The following DENND2B variants were observed in gnomAD, a reference collection of about 807,000 sequenced individuals.
DENND2B encodes DENN domain containing 2B, also known as DENN domain-containing protein 2B.
Under a neutral mutation model 116.0 loss-of-function variants are expected in DENND2B, and 32 were observed. The ratio of observed to expected loss-of-function variants is 0.28; its 90% CI spans 0.21 to 0.37. The LOEUF is 0.37. DENND2B is among the 10% of genes least tolerant of loss of function. The pLI is 1.00. For missense variants in DENND2B, 1,276 were observed against 1,477.7 expected (o/e 0.86, Z 2.24); for synonymous variants, 588 against 583.9 (o/e 1.01, Z -0.10).
chr11:8,738,462 G>T (rs1332831611), intron 2 of DENND2B, among the ~76,000 whole-genome samples: 1 of 152,128 alleles, frequency 6.6e-6, no homozygotes, highest in Non-Finnish European at 1.5e-5. Flanking sequence ...TTCCAGAGGG[G>T]GGAGAAAAGG....
chr11:8,698,789 C>T, intron 16 of DENND2B, 144 bp downstream of exon 16: 2 of 962,946 alleles, frequency 2.1e-6, no homozygotes, highest in Non-Finnish European at 3.3e-6. Context: ...ATTCCAAGAC[C>T]AGCTTCTCCC....
At chr11:8,783,046 C>CT (rs35035048) in intron 1 of DENND2B, among the ~76,000 whole-genome samples, 32,891 of 118,890 alleles carry the variant, frequency 0.28, 4,964 homozygotes, top group Admixed American at 0.3. Context: ...CACCACTTAC[C>CT]TTTTTTTTTT....
chr11:8,751,585 C>T (rs1446111246), intron 1 of DENND2B, among the ~76,000 whole-genome samples: 1 of 143,540 alleles, frequency 7.0e-6, no homozygotes, highest in Non-Finnish European at 1.5e-5. Flanking sequence ...AAGGAAAAAA[C>T]TCCGAACACA....
At chr11:8,771,536 A>AGG (rs2056866157) in intron 1 of DENND2B, 2 of 61,548 alleles carry the variant, frequency 3.2e-5, no homozygotes, top group Non-Finnish European at 5.1e-5. Flanking sequence ...ATACAGAGAG[A>AGG]GAGAGAGAGA....
At chr11:8,879,150 A>T (rs1232704866) in intron 2 of DENND2B, among the ~76,000 whole-genome samples, 1 of 152,228 alleles carries the variant, frequency 6.6e-6, no homozygotes, top group Non-Finnish European at 1.5e-5. Flanking sequence ...GGGCCATGTG[A>T]CTGTCCAACC....
chr11:8,715,577 C>T (rs749296322), intron 6 of DENND2B, 26 bp downstream of exon 6: 7 of 1,608,784 alleles, frequency 4.4e-6, no homozygotes, highest in Middle Eastern at 1.6e-4. Context: ...TGCCCGGCTC[C>T]AGTGGGCTGC....
At chr11:8,742,833 G>C (rs530317866) in intron 2 of DENND2B, among the ~76,000 whole-genome samples, 16 of 152,232 alleles carry the variant, frequency 1.1e-4, no homozygotes, top group Admixed American at 4.6e-4. Flanking sequence ...GGGAGGCTGA[G>C]ATGGGCGGAT....
chr11:8,695,401 C>G (rs1192019127), intron 19 of DENND2B, 62 bp downstream of exon 19: 1 of 1,494,728 alleles, frequency 6.7e-7, no homozygotes, highest in East Asian at 2.3e-5. Flanking sequence ...TTCGGGAACA[C>G]AAATCTCCCA....
At chr11:8,879,478 T>C (rs2063879334) in intron 2 of DENND2B, among the ~76,000 whole-genome samples, 1 of 152,222 alleles carries the variant, frequency 6.6e-6, no homozygotes, top group African/African-American at 2.4e-5. Context: ...TATGAAGGAA[T>C]TTGAATTTGA....
chr11:8,722,339 A>G lies in DENND2B; in HGVS notation c.1477+3734T>C, dbSNP rs564644823. Among the ~76,000 whole-genome samples the G allele has an allele frequency of 3.9e-5, 6 of 152,282 alleles. No homozygotes were observed. The Middle Eastern group carries it at 0.01, about 259-fold the overall frequency. On this transcript the variant is annotated intron_variant, in intron 4 of 19. Coordinates refer to ENST00000313726, the MANE Select transcript of DENND2B (RefSeq NM_213618.2). ...GACTCCAGTCCAATCACCAGGACCCAAGATGGAGATGAGCACTAGGCTCTC... is the reference window on the plus strand; with the variant it reads ...GACTCCAGTCCAATCACCAGGACCCGAGATGGAGATGAGCACTAGGCTCTC...
intron 2 of DENND2B, among the ~76,000 whole-genome samples, chr11:8,879,680 A>C (rs117168146): frequency 0.016 from 2,477 of 152,298 alleles, 32 homozygotes; most frequent in Middle Eastern, 0.031. Context: ...CTGGAGAAAA[A>C]AAAATCACCC....
rs1305580965 is a variant in DENND2B at position 8,702,471 on chromosome 11, A to G, written c.2720+101T>C. The G allele has an allele frequency of 6.5e-7, 1 of 1,534,192 alleles. No homozygotes were observed. Among genetic ancestry groups the G allele is most frequent in the Non-Finnish European group, 8.8e-7 (1 of 1,135,074 alleles). ...TCCCTACGCACAGCCCCACTCCAGC[A>G]CTGGTCTCCGGCGCCTGCTTAGGCT... On this transcript the variant is annotated intron_variant, in intron 14 of 19. Transcript: ENST00000313726. The surrounding 1 kb of genome is among the most constrained non-coding windows in gnomAD (Gnocchi z 4.6).
Position 8,695,495 on chromosome 11 carries a change from T to C in DENND2B, c.3347A>G (p.Gln1116Arg). The change falls in exon 19 of 20, where the codon CAG (glutamine) becomes CGG (arginine). Residue 1116 changes from glutamine (Q) to arginine (R), a missense_variant. Around this residue, in one of 2 missense-constraint regions of DENND2B, gnomAD observed 420 missense variants for 631.1 expected, o/e 0.67. Transcript: ENST00000313726. ...QYLEELPDTE[Q>R]SGMNKFLRGL... ...TCGGAGAAACTTATTCATTCCACTC[T>C]GCTCAGTGTCTGGGAGTTCTTCTAA... The C allele has an allele frequency of 6.2e-7, 1 of 1,614,016 alleles. No homozygotes were observed. The highest frequency in any genetic ancestry group is 8.5e-7 in the Non-Finnish European group (1 of 1,180,034).
At chr11:8,817,028 G>T (rs957666780) in intron 4 of DENND2B, among the ~76,000 whole-genome samples, 2 of 152,128 alleles carry the variant, frequency 1.3e-5, no homozygotes, top group African/African-American at 4.8e-5. Context: ...AAAAAAAATG[G>T]AAGACTCAGG....
chr11:8,758,448 G>T (rs1471354262), intron 1 of DENND2B, among the ~76,000 whole-genome samples: 6 of 152,036 alleles, frequency 3.9e-5, no homozygotes, highest in African/African-American at 1.4e-4. Context: ...TACTCTTCCT[G>T]CCACCCACCC....
rs898240951 is a variant in DENND2B, at chr11:8,818,221, C to T, written c.-114-6886G>A. On this transcript the variant is annotated intron_variant, in intron 4 of 6. Coordinates refer to the DENND2B transcript ENST00000524757. ...GGGGTTGCAGTGAGCTGAGATCACA[C>T]CACCGTACTCCAGCCTGGGCAACAC... 2.7e-5 allele frequency among the ~76,000 whole-genome samples: 4 copies of T among 146,710 alleles called. No individual in the cohort carries two copies. In the South Asian group the frequency reaches 8.6e-4, roughly 31 times the overall value.
intron 5 of DENND2B, among the ~76,000 whole-genome samples, chr11:8,717,432 G>A (rs1044487392): frequency 6.6e-6 from 1 of 152,208 alleles, no homozygotes; most frequent in Admixed American, 6.5e-5. Flanking sequence ...AGGGCTCCTG[G>A]CTGAGTTTTG....
Position 8,729,324 on chromosome 11 carries a change from A to G in DENND2B, c.1340+626T>C, listed in dbSNP as rs141732517. Among the ~76,000 whole-genome samples, 291 of 152,308 alleles carry G rather than the reference A, an allele frequency of 1.9e-3. 1 individual carries two copies. The highest frequency in any genetic ancestry group is 6.7e-3 in the African/African-American group (280 of 41,568). ...AGACAGCCCTTGGTAATCTGGGGTT[A>G]GAAATCCTGAGACTGACCAGGAAAC... is the stretch of plus-strand genomic sequence containing the variant. On this transcript the variant is annotated intron_variant, in intron 3 of 19. Coordinates refer to ENST00000313726, the MANE Select transcript of DENND2B (RefSeq NM_213618.2).
chr11:8,892,315 C>T (rs2064044307), intron 1 of DENND2B, among the ~76,000 whole-genome samples: 1 of 151,898 alleles, frequency 6.6e-6, no homozygotes, highest in African/African-American at 2.4e-5. Context: ...GATCTAAAAC[C>T]CTAACATCAC....
Sources: allele counts gnomAD v4.1 joint callset (sites outside exome capture counted in the v4.1 genomes callset), GRCh38; gene constraint gnomAD v4.1.1; regional missense constraint gnomAD v4.1.1; non-coding constraint Gnocchi (gnomAD v3.1); transcripts MANE v1.5; gene names NCBI Gene and HGNC (gene_info 2026-07-23, HGNC 2026-07-21).